The following TANC1 variants were observed in gnomAD, a reference collection of about 807,000 sequenced individuals.
TANC1 encodes tetratricopeptide repeat, ankyrin repeat and coiled-coil containing 1, also known as protein TANC1.
TANC1 carries 77 observed loss-of-function variants against 149.7 expected under a neutral mutation model. That is an observed-to-expected ratio of 0.51 (90% CI 0.43 to 0.62). The LOEUF is 0.62. Ranked by LOEUF, TANC1 falls within the 20% of genes least tolerant of loss-of-function variation. The pLI, the probability that TANC1 is intolerant of heterozygous loss-of-function variation, is 0.00. For missense variants in TANC1, 1,985 were observed against 2,321.8 expected, an observed-to-expected ratio of 0.85 and a Z score of 2.98; for synonymous variants, 854 against 925.0, an observed-to-expected ratio of 0.92 and a Z score of 1.39.
chr2:159,190,906 T>A (rs543729980), intron 16 of TANC1, among the ~76,000 whole-genome samples: 1 of 152,346 alleles, frequency 6.6e-6, no homozygotes, highest in Admixed American at 6.5e-5. Flanking sequence ...TTGAATTAGA[T>A]CAGAGTCTGG....
chr2:159,158,438 G>A (rs753135330), intron 7 of TANC1, among the ~76,000 whole-genome samples: 1 of 152,158 alleles, frequency 6.6e-6, no homozygotes, highest in Non-Finnish European at 1.5e-5. Context: ...CCTGTCCATA[G>A]GGCTGTTAAT....
chr2:159,048,253 G>T (rs1420324763), intron 2 of TANC1, among the ~76,000 whole-genome samples: 2 of 151,564 alleles, frequency 1.3e-5, no homozygotes, highest in Middle Eastern at 3.4e-3. Flanking sequence ...GATTGGCTTT[G>T]GGGGGCAGTA....
intron 2 of TANC1, 49 bp from the exon 3 acceptor site, chr2:159,065,847 C>A (rs1470138278): frequency 1.3e-6 from 2 of 1,492,452 alleles, no homozygotes; most frequent in Non-Finnish European, 1.9e-6. Context: ...AAGTTATATT[C>A]CAACTTTCAA....
At chr2:159,091,402 T>A (rs2045524595) in intron 3 of TANC1, among the ~76,000 whole-genome samples, 1 of 152,196 alleles carries the variant, frequency 6.6e-6, no homozygotes, top group Non-Finnish European at 1.5e-5. Flanking sequence ...ATCTAAAAAA[T>A]AAAAAGAGCA....
rs897815055 is a variant in TANC1 at position 159,138,540 on chromosome 2, C to T, written c.364+2242C>T. Reference sequence around the variant, plus strand: ...CTGAACCCAAAGGAAATGATAGAGCCGACTAAAACTAATTGAGTTTGAGTG... The same window carrying T: ...CTGAACCCAAAGGAAATGATAGAGCTGACTAAAACTAATTGAGTTTGAGTG... On this transcript the variant is annotated intron_variant, in intron 5 of 26. Coordinates refer to ENST00000263635, the MANE Select transcript of TANC1 (RefSeq NM_033394.3). 4.6e-5 allele frequency among the ~76,000 whole-genome samples: 7 copies of T among 152,164 alleles called. No homozygotes were observed. In the East Asian group the frequency reaches 9.7e-4, roughly 21 times the overall value.
At chr2:159,031,837 C>T (rs2039806410) in intron 2 of TANC1, among the ~76,000 whole-genome samples, 1 of 152,162 alleles carries the variant, frequency 6.6e-6, no homozygotes, top group Non-Finnish European at 1.5e-5. Context: ...CATAACAGTA[C>T]AGAATTTATT....
At chr2:159,119,772 C>T (rs768788162) in intron 4 of TANC1, among the ~76,000 whole-genome samples, 1 of 152,134 alleles carries the variant, frequency 6.6e-6, no homozygotes, top group Non-Finnish European at 1.5e-5. Context: ...ACTGATGTCA[C>T]AGGTTACCTA....
chr2:159,198,302 G>T (rs978379910), intron 18 of TANC1, among the ~76,000 whole-genome samples: 1 of 152,178 alleles, frequency 6.6e-6, no homozygotes, highest in Non-Finnish European at 1.5e-5. Context: ...TGAAGATTGG[G>T]ATGTAGACAT....
chr2:158,970,641 A>G (rs2032728677), intron 1 of TANC1, among the ~76,000 whole-genome samples: 1 of 152,212 alleles, frequency 6.6e-6, no homozygotes, highest in African/African-American at 2.4e-5. Context: ...AGTATGTGGC[A>G]GTAAAGGAAG....
chr2:159,207,468 G>A (rs2058680663), intron 19 of TANC1, among the ~76,000 whole-genome samples: 1 of 152,126 alleles, frequency 6.6e-6, no homozygotes, highest in South Asian at 2.1e-4. Context: ...TTGGGAGACT[G>A]AGGCGGGTGG....
intron 4 of TANC1, among the ~76,000 whole-genome samples, chr2:159,123,398 C>A (rs2049058683): frequency 6.6e-6 from 1 of 152,058 alleles, no homozygotes; most frequent in Non-Finnish European, 1.5e-5. Flanking sequence ...TGCCTTCACC[C>A]TCTCCTGGCT....
chr2:159,167,855 A>C (rs962896376), intron 8 of TANC1, among the ~76,000 whole-genome samples: 5 of 152,176 alleles, frequency 3.3e-5, no homozygotes, highest in Non-Finnish European at 5.9e-5. Context: ...GGAAGGGTGC[A>C]GGTAGGACGG....
At chr2:159,063,604 C>T (rs538628992) in intron 2 of TANC1, among the ~76,000 whole-genome samples, 10 of 152,178 alleles carry the variant, frequency 6.6e-5, no homozygotes, top group African/African-American at 2.2e-4. Flanking sequence ...TGCTCCAGGT[C>T]GCAGTTTGAA....
chr2:159,030,342 G>T (rs1038866692), intron 2 of TANC1, among the ~76,000 whole-genome samples: 1 of 152,170 alleles, frequency 6.6e-6, no homozygotes, highest in Non-Finnish European at 1.5e-5. Context: ...GAAGGTTGCT[G>T]TTTTTTATGT....
At chr2:159,178,277 C>T (rs2056095059) in intron 13 of TANC1, among the ~76,000 whole-genome samples, 1 of 152,236 alleles carries the variant, frequency 6.6e-6, no homozygotes, top group Admixed American at 6.5e-5. Context: ...CTCGTTGCCG[C>T]TGTCTGCACA....
intron 2 of TANC1, among the ~76,000 whole-genome samples, chr2:159,065,492 GCTT>G (rs1280004308): frequency 6.6e-6 from 1 of 152,104 alleles, no homozygotes; most frequent in Non-Finnish European, 1.5e-5. Flanking sequence ...TAACCATGTA[GCTT>G]CTTTCATTAT....
chr2:159,139,500 G>GA (rs1319991496), intron 5 of TANC1, among the ~76,000 whole-genome samples: 10 of 151,808 alleles, frequency 6.6e-5, no homozygotes, highest in South Asian at 2.1e-4. Flanking sequence ...TGCGTTAAGG[G>GA]AAAAAAAACC....
intron 2 of TANC1, among the ~76,000 whole-genome samples, chr2:159,045,132 A>G (rs972018076): frequency 3.9e-5 from 6 of 152,206 alleles, no homozygotes; most frequent in Admixed American, 3.9e-4. Context: ...TTAAAGTTCC[A>G]CAAGAGGTGA....
At chr2:159,100,372 G>A (rs2046560944) in intron 4 of TANC1, among the ~76,000 whole-genome samples, 1 of 152,204 alleles carries the variant, frequency 6.6e-6, no homozygotes, top group Admixed American at 6.5e-5. Context: ...GGAGGCAGAA[G>A]AATCCCTGAT....
Sources: allele counts gnomAD v4.1 joint callset (sites outside exome capture counted in the v4.1 genomes callset), GRCh38; gene constraint gnomAD v4.1.1; transcripts MANE v1.5; gene names NCBI Gene and HGNC (gene_info 2026-07-23, HGNC 2026-07-21).